Variants in MRPL37 observed in about 807,000 individuals in gnomAD.
MRPL37 encodes mitochondrial ribosomal protein L37.
In MRPL37, 34 loss-of-function variants were observed where a neutral mutation model predicts 44.1. The observed-to-expected ratio is 0.77, with a 90% confidence interval of 0.59 to 1.03. The LOEUF (loss-of-function observed/expected upper bound fraction) is 1.03, where lower values mean the gene tolerates loss of function less well. Ranked by LOEUF, MRPL37 falls within the 50% of genes least tolerant of loss-of-function variation. The pLI, the probability that MRPL37 is intolerant of heterozygous loss-of-function variation, is 0.00. For missense variants in MRPL37, 532 were observed against 543.7 expected, an observed-to-expected ratio of 0.98 and a Z score of 0.21; for synonymous variants, 212 against 219.5, an observed-to-expected ratio of 0.97 and a Z score of 0.30.
At chr1:54,214,571 G>A (rs1330106468) in intron 5 of MRPL37, among the ~76,000 whole-genome samples, 1 of 152,204 alleles carries the variant, frequency 6.6e-6, no homozygotes, top group Non-Finnish European at 1.5e-5. Context: ...ACTCAGGCAG[G>A]AGAAGGAGGC....
At chr1:54,207,002 C>T (rs1167527212) in intron 3 of MRPL37, among the ~76,000 whole-genome samples, 1 of 152,186 alleles carries the variant, frequency 6.6e-6, no homozygotes, top group Non-Finnish European at 1.5e-5. Context: ...ATCCACCCGC[C>T]TTGGCCTTCC....
At chr1:54,220,580 T>A (rs1382437946), downstream of MRPL37, 1 of 460,782 alleles carries the variant, frequency 2.2e-6, no homozygotes, top group East Asian at 7.0e-5. Flanking sequence ...GCTGGGAAGC[T>A]CGTGTGTCAT....
intron 3 of MRPL37, among the ~76,000 whole-genome samples, chr1:54,208,845 G>C (rs1016169171): frequency 6.6e-6 from 1 of 152,074 alleles, no homozygotes; most frequent in Non-Finnish European, 1.5e-5. Context: ...ATGTGGATGG[G>C]GTGTGGGGAG....
At chr1:54,215,603 AG>A (rs1175700141) in intron 5 of MRPL37, among the ~76,000 whole-genome samples, 2 of 152,132 alleles carry the variant, frequency 1.3e-5, no homozygotes, top group Non-Finnish European at 2.9e-5. Flanking sequence ...GCGTGGGGGA[AG>A]GGTGTGGTCT....
chr1:54,212,900 A>ATTT (rs1427666878), intron 5 of MRPL37, among the ~76,000 whole-genome samples: 2 of 152,180 alleles, frequency 1.3e-5, no homozygotes, highest in Non-Finnish European at 2.9e-5. Flanking sequence ...TGAAGTCCCC[A>ATTT]CTTTCTAAGC....
intron 5 of MRPL37, among the ~76,000 whole-genome samples, chr1:54,213,893 C>A (rs1201435300): frequency 6.6e-6 from 1 of 151,906 alleles, no homozygotes; most frequent in Non-Finnish European, 1.5e-5. Flanking sequence ...ACTAAAAACA[C>A]AAAGATTAGC....
chr1:54,216,174 G>T lies in MRPL37; in HGVS notation c.1024G>T (p.Val342Leu). 12 of 1,614,226 alleles carry T rather than the reference G, an allele frequency of 7.4e-6. No individual in the cohort carries two copies. The highest frequency in any genetic ancestry group is 1.0e-5 in the Non-Finnish European group (12 of 1,180,050). ...CAAGGTCTTGGAGCAGCCCGTGGTG[G>T]TGCAGAGCGTGGGCACGGATGGACG... Reference protein sequence around the residue: ...DAKVLEQPVVVQSVGTDGRVF... With the variant: ...DAKVLEQPVVLQSVGTDGRVF... The change falls in exon 6 of 7, where the codon GTG (valine) becomes TTG (leucine). Residue 342 changes from valine (V) to leucine (L), a missense_variant. Transcript: ENST00000360840.
intron 4 of MRPL37, 81 bp from the exon 5 acceptor site, chr1:54,212,420 T>C: frequency 6.6e-7 from 1 of 1,523,198 alleles, no homozygotes; most frequent in Non-Finnish European, 9.0e-7. Flanking sequence ...GTCCCTGGGC[T>C]AAGGCGAGGT....
chr1:54,223,477 CCTT>C (rs1644250174), downstream of MRPL37, among the ~76,000 whole-genome samples: 1 of 152,228 alleles, frequency 6.6e-6, no homozygotes, highest in African/African-American at 2.4e-5. Flanking sequence ...GACTGAGCAG[CCTT>C]CTTACCCCCG....
At chr1:54,208,481 G>A (rs1214920809) in intron 3 of MRPL37, among the ~76,000 whole-genome samples, 1 of 146,450 alleles carries the variant, frequency 6.8e-6, no homozygotes, top group Non-Finnish European at 1.5e-5. Context: ...CCCGGAAGGC[G>A]GAGCTTGCAG....
chr1:54,216,687 C>T lies in MRPL37; in HGVS notation c.1194+343C>T, dbSNP rs546101346. ...CCCCTCCCCATTACTGTTTGTCAGGCTATCCTCCACTTGTCCTTCCAGGTT... is the reference window on the plus strand; with the variant it reads ...CCCCTCCCCATTACTGTTTGTCAGGTTATCCTCCACTTGTCCTTCCAGGTT... On this transcript the variant is annotated intron_variant, in intron 6 of 6. Coordinates refer to ENST00000360840, the MANE Select transcript of MRPL37 (RefSeq NM_016491.4). Among the ~76,000 whole-genome samples, 10 of 152,320 alleles carry T rather than the reference C, an allele frequency of 6.6e-5. No homozygotes were observed. The East Asian group carries it at 1.9e-3, about 29-fold the overall frequency.
intron 6 of MRPL37, among the ~76,000 whole-genome samples, chr1:54,217,127 G>A (rs890128066): frequency 2.6e-5 from 4 of 152,156 alleles, no homozygotes; most frequent in Non-Finnish European, 4.4e-5. Context: ...GCGGAGTAGG[G>A]GTACTGCCTG....
chr1:54,204,395 C>CA (rs879671756), intron 1 of MRPL37, among the ~76,000 whole-genome samples: 3,378 of 132,810 alleles, frequency 0.025, 95 homozygotes, highest in East Asian at 0.074. Flanking sequence ...GACTTTGTCT[C>CA]AAAAAAAAAA....
At chr1:54,209,382 G>T (rs1194436044) in intron 3 of MRPL37, among the ~76,000 whole-genome samples, 1 of 152,098 alleles carries the variant, frequency 6.6e-6, no homozygotes, top group South Asian at 2.1e-4. Flanking sequence ...ATCAAGAAAT[G>T]CTATAAATGA....
chr1:54,221,175 C>G (rs1644231201), downstream of MRPL37, among the ~76,000 whole-genome samples: 1 of 152,144 alleles, frequency 6.6e-6, no homozygotes, highest in African/African-American at 2.4e-5. Flanking sequence ...GAAAGGTGGA[C>G]TTGCTGGAGG....
downstream of MRPL37, among the ~76,000 whole-genome samples, chr1:54,220,009 T>G (rs1245261662): frequency 6.6e-6 from 1 of 152,214 alleles, no homozygotes; most frequent in African/African-American, 2.4e-5. Flanking sequence ...AGAGTAGTTT[T>G]GCCAGCAGAG....
intron 1 of MRPL37, 70 bp from the exon 2 acceptor site, chr1:54,204,948 G>A: frequency 6.6e-7 from 1 of 1,520,154 alleles, no homozygotes; most frequent in Non-Finnish European, 8.9e-7. Flanking sequence ...GATGCTACCT[G>A]GCAGGTGTAA....
chr1:54,208,417 T>TG (rs1430358303), intron 3 of MRPL37, among the ~76,000 whole-genome samples: 1 of 152,000 alleles, frequency 6.6e-6, no homozygotes, highest in African/African-American at 2.4e-5. Context: ...GGCATGGTGA[T>TG]GGGCACCCAT....
chr1:54,212,451 G>A (rs1353971931), intron 4 of MRPL37, 50 bp from the exon 5 acceptor site: 1 of 1,596,542 alleles, frequency 6.3e-7, no homozygotes, highest in Non-Finnish European at 8.6e-7. Flanking sequence ...AGGCTTTGTG[G>A]CAGGCTGATG....
Sources: allele counts gnomAD v4.1 joint callset (sites outside exome capture counted in the v4.1 genomes callset), GRCh38; gene constraint gnomAD v4.1.1; transcripts MANE v1.5; gene names NCBI Gene and HGNC (gene_info 2026-07-23, HGNC 2026-07-21).